The following DNAAF11 variants were observed in gnomAD, a reference collection of about 807,000 sequenced individuals.
DNAAF11 encodes the protein dynein axonemal assembly factor 11.
In DNAAF11, 45 loss-of-function variants were observed where a neutral mutation model predicts 60.8. The observed-to-expected ratio is 0.74, with a 90% confidence interval of 0.58 to 0.95. The LOEUF is 0.95. DNAAF11 is among the 40% of genes least tolerant of loss of function. DNAAF11 has a pLI of 0.00. For synonymous variants in DNAAF11, 191 were observed against 183.5 expected, an observed-to-expected ratio of 1.04 and a Z score of -0.33; for missense variants, 546 against 546.2, an observed-to-expected ratio of 1.00 and a Z score of 0.00.
intron 3 of DNAAF11, among the ~76,000 whole-genome samples, chr8:132,649,975 C>G (rs1822834607): frequency 6.6e-6 from 1 of 152,198 alleles, no homozygotes; most frequent in South Asian, 2.1e-4. Context: ...CCTCAAGGAT[C>G]TAGAACTAGA....
At chr8:132,644,748 CTG>C (rs1822200451) in intron 3 of DNAAF11, among the ~76,000 whole-genome samples, 1 of 152,186 alleles carries the variant, frequency 6.6e-6, no homozygotes, top group South Asian at 2.1e-4. Context: ...GCACAGCAGT[CTG>C]AGATCGAACT....
At chr8:132,581,723 C>A (rs1415408087) in intron 11 of DNAAF11, among the ~76,000 whole-genome samples, 1 of 149,978 alleles carries the variant, frequency 6.7e-6, no homozygotes, top group African/African-American at 2.5e-5. Context: ...TTTCATAATC[C>A]TGGTTCTACC....
intron 8 of DNAAF11, among the ~76,000 whole-genome samples, chr8:132,613,115 G>A (rs1342692072): frequency 6.6e-6 from 1 of 152,184 alleles, no homozygotes; most frequent in East Asian, 1.9e-4. Flanking sequence ...CTGGAGAAGA[G>A]CTGGGATCTT....
chr8:132,623,019 T>C (rs970443316), intron 6 of DNAAF11, among the ~76,000 whole-genome samples: 1 of 152,182 alleles, frequency 6.6e-6, no homozygotes, highest in African/African-American at 2.4e-5. Context: ...TTATACATGA[T>C]TTACCCAGAT....
intron 11 of DNAAF11, among the ~76,000 whole-genome samples, chr8:132,580,505 G>A (rs1405652796): frequency 6.6e-6 from 1 of 152,116 alleles, no homozygotes; most frequent in Admixed American, 6.5e-5. Context: ...CCACCGAATT[G>A]TACACTTTTA....
intron 3 of DNAAF11, among the ~76,000 whole-genome samples, chr8:132,641,053 G>A (rs1215363673): frequency 1.3e-5 from 2 of 152,000 alleles, no homozygotes; most frequent in African/African-American, 4.8e-5. Context: ...AAATAAATTG[G>A]GGGAGAAGGC....
At chr8:132,672,728 A>G (rs946823040) in intron 1 of DNAAF11, among the ~76,000 whole-genome samples, 8 of 152,218 alleles carry the variant, frequency 5.3e-5, no homozygotes, top group African/African-American at 1.9e-4. Context: ...TGAGTGAGCT[A>G]TTATTATCAT....
intron 5 of DNAAF11, among the ~76,000 whole-genome samples, chr8:132,627,972 C>T (rs1469476297): frequency 6.6e-6 from 1 of 152,174 alleles, no homozygotes; most frequent in Non-Finnish European, 1.5e-5. Context: ...GGTCAATATA[C>T]TTCCTGGCTC....
chr8:132,645,051 C>T (rs1317521520), intron 3 of DNAAF11, among the ~76,000 whole-genome samples: 1 of 152,186 alleles, frequency 6.6e-6, no homozygotes, highest in African/African-American at 2.4e-5. Context: ...GGGTCCCTGA[C>T]CCCTGGGGAG....
intron 5 of DNAAF11, among the ~76,000 whole-genome samples, chr8:132,631,303 CAT>C (rs996704966): frequency 3.9e-4 from 59 of 152,200 alleles, no homozygotes; most frequent in African/African-American, 1.4e-3. Flanking sequence ...AGGAAGACCA[CAT>C]GTGTTGTTAG....
At chr8:132,644,141 C>T (rs1341633694) in intron 3 of DNAAF11, among the ~76,000 whole-genome samples, 2 of 152,132 alleles carry the variant, frequency 1.3e-5, no homozygotes, top group Non-Finnish European at 2.9e-5. Flanking sequence ...TTATACCTTT[C>T]AGCATGCAGT....
chr8:132,663,028 T>G (rs1421554911), intron 1 of DNAAF11, among the ~76,000 whole-genome samples: 1 of 152,190 alleles, frequency 6.6e-6, no homozygotes. Flanking sequence ...CAGAGCAATG[T>G]AGAGGTTGAG....
chr8:132,689,523 T>C, the DNAAF11 span, among the ~76,000 whole-genome samples: 1 of 152,134 alleles, frequency 6.6e-6, no homozygotes, highest in Non-Finnish European at 1.5e-5. Context: ...AAATGAACTG[T>C]ATTGTTTCTT....
At chr8:132,584,899 G>A (rs1357824402) in intron 10 of DNAAF11, among the ~76,000 whole-genome samples, 4 of 152,092 alleles carry the variant, frequency 2.6e-5, no homozygotes, top group South Asian at 2.1e-4. Flanking sequence ...CATGTGTCTC[G>A]ACTTACAGTA....
Position 132,572,170 on chromosome 8 carries a change from G to A in DNAAF11, c.*136C>T, listed in dbSNP as rs1404480625. The stretch of plus-strand genomic sequence containing the variant: ...TATCTTAAGGATATTACTATGCAAA[G>A]TAAGAGTTAAAACACTGGAGCAGCG... On this transcript the variant is annotated 3_prime_UTR_variant, in exon 12 of 12. Transcript: ENST00000620350. The A allele has an allele frequency of 1.2e-5, 8 of 657,250 alleles. No homozygotes were observed. Among genetic ancestry groups the A allele is most frequent in the Non-Finnish European group, 2.1e-5 (8 of 388,160 alleles). 40.7% of individuals were successfully genotyped at this position (657,250 alleles called of 1,614,324 possible).
intron 10 of DNAAF11, among the ~76,000 whole-genome samples, chr8:132,600,665 A>C (rs1384620022): frequency 1.3e-5 from 2 of 152,132 alleles, no homozygotes; most frequent in Non-Finnish European, 2.9e-5. Context: ...CAAAAACAAG[A>C]AATGGGGAAA....
intron 6 of DNAAF11, among the ~76,000 whole-genome samples, chr8:132,624,365 CAT>C (rs768395355): frequency 9.9e-5 from 15 of 152,166 alleles, no homozygotes; most frequent in Non-Finnish European, 2.1e-4. Flanking sequence ...GGAGTCAAGA[CAT>C]GCATACATAA....
At chr8:132,649,118 T>C (rs956815606) in intron 3 of DNAAF11, among the ~76,000 whole-genome samples, 13 of 152,142 alleles carry the variant, frequency 8.5e-5, no homozygotes, top group South Asian at 6.2e-4. Context: ...CTTCAAACTA[T>C]ACTACAAGGC....
At chr8:132,699,787 A>C in the DNAAF11 span, among the ~76,000 whole-genome samples, 1 of 152,340 alleles carries the variant, frequency 6.6e-6, no homozygotes, top group Admixed American at 6.5e-5. Context: ...GTGCTAATAC[A>C]TGCTAAGATG....
Sources: allele counts gnomAD v4.1 joint callset (sites outside exome capture counted in the v4.1 genomes callset), GRCh38; gene constraint gnomAD v4.1.1; transcripts MANE v1.5; gene names NCBI Gene and HGNC (gene_info 2026-07-23, HGNC 2026-07-21).